Variants in DNAH3 observed in about 807,000 individuals in gnomAD.
DNAH3 encodes axonemal beta dynein heavy chain 3.
DNAH3 carries 332 observed loss-of-function variants against 432.5 expected under a neutral mutation model. The observed-to-expected ratio is 0.77, with a 90% CI of 0.70 to 0.84. The LOEUF is 0.84. Among genes scored for constraint, DNAH3 ranks in the 40% least tolerant of loss-of-function variants. DNAH3 has a pLI of 0.00. For missense variants in DNAH3, 4,861 were observed against 5,114.0 expected, an observed-to-expected ratio of 0.95 and a Z score of 1.51; for synonymous variants, 1,956 against 1,900.2, an observed-to-expected ratio of 1.03 and a Z score of -0.76.
intron 43 of DNAH3, among the ~76,000 whole-genome samples, chr16:20,998,453 A>T (rs1200587945): frequency 2.6e-5 from 4 of 152,078 alleles, no homozygotes; most frequent in African/African-American, 9.6e-5. Context: ...GGGTTTCACC[A>T]TGTTGGCCTG....
At chr16:21,149,233 A>AG (rs919313204) in intron 1 of DNAH3, among the ~76,000 whole-genome samples, 45 of 152,020 alleles carry the variant, frequency 3.0e-4, no homozygotes, top group African/African-American at 1.1e-3. Context: ...TCTCAAAAAA[A>AG]AAAAAAGAAA....
chr16:20,984,394 G>A (rs112013982), intron 48 of DNAH3, among the ~76,000 whole-genome samples: 1 of 152,106 alleles, frequency 6.6e-6, no homozygotes, highest in Admixed American at 6.6e-5. Context: ...AGATAAGAGA[G>A]TGGATATGAG....
At chr16:21,006,280 G>GACTCTGCAGTTCCTCTATTTCTCTA (rs2152696475) in intron 41 of DNAH3, among the ~76,000 whole-genome samples, 1 of 152,106 alleles carries the variant, frequency 6.6e-6, no homozygotes, top group East Asian at 1.9e-4. Context: ...CTGTTTCTCT[G>GACTCTGCAGTTCCTCTATTTCTCTA]ACTCTGCAGT....
chr16:20,971,272 T>TA (rs909828202), intron 51 of DNAH3, among the ~76,000 whole-genome samples: 1 of 152,280 alleles, frequency 6.6e-6, no homozygotes, highest in African/African-American at 2.4e-5. Context: ...TTATGTTTCT[T>TA]AAAGGCAAAT....
chr16:20,959,909 C>T (rs368602510), intron 53 of DNAH3, among the ~76,000 whole-genome samples: 27 of 152,020 alleles, frequency 1.8e-4, no homozygotes, highest in Middle Eastern at 3.4e-3. Context: ...GTGCCCAAAA[C>T]GGGGAACTCA....
At chr16:21,107,781 G>T (rs1299017513) in intron 14 of DNAH3, among the ~76,000 whole-genome samples, 3 of 151,928 alleles carry the variant, frequency 2.0e-5, no homozygotes, top group Admixed American at 2.0e-4. Flanking sequence ...TCCGCAATAC[G>T]TCCACTCCTA....
rs1336883685 is a variant in DNAH3, at chr16:20,964,707, A to C, written c.9177T>G (p.Leu3059=). Residue 3059 remains leucine, a synonymous_variant, in exon 53 of 62, where the codon CTT becomes CTG. Coordinates refer to ENST00000261383, the Ensembl canonical transcript of DNAH3. ...TGTCGATGGAGAAGGAGTCAACGGGAAGCCCAGCAATCTGCCAGGCACGGA... is the reference window on the plus strand; with the variant it reads ...TGTCGATGGAGAAGGAGTCAACGGGCAGCCCAGCAATCTGCCAGGCACGGA... 4 of 1,614,164 alleles carry C rather than the reference A, an allele frequency of 2.5e-6. No homozygotes were observed. The South Asian group carries it at 3.3e-5, about 13-fold the overall frequency.
chr16:21,054,862 C>A (rs1310705030), intron 27 of DNAH3, among the ~76,000 whole-genome samples: 1 of 151,986 alleles, frequency 6.6e-6, no homozygotes, highest in African/African-American at 2.4e-5. Flanking sequence ...CTACAAAGGG[C>A]CTGAGGACAT....
chr16:21,141,234 G>A, intron 4 of DNAH3, 66 bp downstream of exon 5: 1 of 1,114,954 alleles, frequency 9.0e-7, no homozygotes. Flanking sequence ...TGTGGCTTTA[G>A]TGAGACCACA....
chr16:20,990,031 C>A (rs571499186), intron 44 of DNAH3, among the ~76,000 whole-genome samples: 1 of 152,244 alleles, frequency 6.6e-6, no homozygotes, highest in Non-Finnish European at 1.5e-5. Flanking sequence ...TCCCTCCACA[C>A]CTCCCTGCAA....
At chr16:21,040,985 C>G (rs752695184) in intron 32 of DNAH3, among the ~76,000 whole-genome samples, 1 of 152,090 alleles carries the variant, frequency 6.6e-6, no homozygotes, top group African/African-American at 2.4e-5. Context: ...TTTCTACTAT[C>G]CCATGGCATT....
At chr16:21,026,993 C>G (rs376696116) in intron 38 of DNAH3, 34 bp downstream of exon 38, 1 of 1,514,272 alleles carries the variant, frequency 6.6e-7, no homozygotes, top group Non-Finnish European at 9.2e-7. Flanking sequence ...TGGAGCCACA[C>G]TGTCCCCCGG....
chr16:21,124,621 C>T (rs2092408507), intron 9 of DNAH3, among the ~76,000 whole-genome samples: 1 of 151,400 alleles, frequency 6.6e-6, no homozygotes, highest in African/African-American at 2.4e-5. Flanking sequence ...TGGTAATTAG[C>T]ATATCTATCA....
chr16:21,101,467 T>C (rs1031451962), intron 16 of DNAH3, among the ~76,000 whole-genome samples: 2 of 152,110 alleles, frequency 1.3e-5, no homozygotes, highest in African/African-American at 4.8e-5. Flanking sequence ...CATTAGCAAA[T>C]AGTAGGCACT....
chr16:21,068,330 G>C (rs561773767), intron 23 of DNAH3, among the ~76,000 whole-genome samples: 2 of 135,390 alleles, frequency 1.5e-5, no homozygotes, highest in East Asian at 2.3e-4. Flanking sequence ...TTGGGTGGGG[G>C]GGGGGACAGA....
Position 20,979,281 on chromosome 16 carries a change from C to T in DNAH3, c.8076+49G>A, listed in dbSNP as rs368641848. 1.2e-5 allele frequency: 19 copies of T among 1,578,608 alleles called. 1 individual carries two copies. Among genetic ancestry groups the T allele is most frequent in the South Asian group, 6.7e-5 (6 of 89,702 alleles). The stretch of plus-strand genomic sequence containing the variant: ...ACCTGAACACATGCCTCGGCACATC[C>T]ACCTCGTCCCGGGCCTCTTTGTCTC... On this transcript the variant is annotated intron_variant, in intron 50 of 61. Transcript: ENST00000261383.
exon 49 of DNAH3, chr16:20,982,912 T>C: frequency 1.2e-6 from 2 of 1,612,888 alleles, no homozygotes; most frequent in African/African-American, 1.3e-5. Context: ...TTTTGTTAAT[T>C]ACCTTCCTCC....
intron 1 of DNAH3, among the ~76,000 whole-genome samples, chr16:21,156,466 A>C (rs552613478): frequency 6.6e-6 from 1 of 152,206 alleles, no homozygotes; most frequent in African/African-American, 2.4e-5. Context: ...TCCTAGACTC[A>C]AGCAATCCAC....
At chr16:21,085,577 ATC>A (rs2091340875) in intron 19 of DNAH3, among the ~76,000 whole-genome samples, 1 of 150,984 alleles carries the variant, frequency 6.6e-6, no homozygotes, top group South Asian at 2.1e-4. Flanking sequence ...CAGACAGCCT[ATC>A]TCTTGTCTAT....
Sources: gnomAD v4.1 joint callset for allele counts (sites outside exome capture counted in the v4.1 genomes callset) on GRCh38, gnomAD v4.1.1 for gene constraint, MANE v1.5 for transcripts, NCBI Gene and HGNC (gene_info 2026-07-23, HGNC 2026-07-21) for gene names.